The following OR3A2 variants were observed in gnomAD, a reference collection of about 807,000 sequenced individuals.
The protein encoded by OR3A2 is olfactory receptor 3A2.
For synonymous variants in OR3A2, 126 were observed against 159.3 expected, an observed-to-expected ratio of 0.79 and a Z score of 1.57; for missense variants, 318 against 392.8, an observed-to-expected ratio of 0.81 and a Z score of 1.61.
chr17:3,324,284 C>T (rs1332064772), intron 3 of OR3A2, among the ~76,000 whole-genome samples: 1 of 151,992 alleles, frequency 6.6e-6, no homozygotes, highest in Non-Finnish European at 1.5e-5. Flanking sequence ...CAGTTTTTAA[C>T]TTCTTTGCCA....
intron 3 of OR3A2, among the ~76,000 whole-genome samples, chr17:3,303,726 T>C (rs1479279668): frequency 7.2e-6 from 1 of 139,080 alleles, no homozygotes. Context: ...GCCTGGCGAA[T>C]GAGCAAGACT....
At chr17:3,287,427 G>A (rs575226664), upstream of OR3A2, among the ~76,000 whole-genome samples, 16 of 152,026 alleles carry the variant, frequency 1.1e-4, no homozygotes, top group Admixed American at 4.6e-4. Flanking sequence ...CCATGTGTAC[G>A]CGGTATTGTG....
At chr17:3,377,975 G>C (rs1379423051) in intron 2 of OR3A2, among the ~76,000 whole-genome samples, 1 of 152,166 alleles carries the variant, frequency 6.6e-6, no homozygotes, top group Non-Finnish European at 1.5e-5. Context: ...ACATAACAAG[G>C]AGAAATGAAA....
intron 2 of OR3A2, among the ~76,000 whole-genome samples, chr17:3,380,356 T>G (rs2049723614): frequency 6.6e-6 from 1 of 152,218 alleles, no homozygotes; most frequent in Non-Finnish European, 1.5e-5. Context: ...GCCCAGGATC[T>G]GGACTCTGAC....
intron 2 of OR3A2, among the ~76,000 whole-genome samples, chr17:3,375,703 T>C (rs1276108708): frequency 6.6e-6 from 1 of 152,232 alleles, no homozygotes; most frequent in African/African-American, 2.4e-5. Context: ...ATTACTTTTC[T>C]GGTTCTTTCT....
At chr17:3,279,509 C>T (rs1326916703) in intron 1 of OR3A2, among the ~76,000 whole-genome samples, 1 of 152,082 alleles carries the variant, frequency 6.6e-6, no homozygotes, top group Non-Finnish European at 1.5e-5. Flanking sequence ...AAAACATAAC[C>T]CAGGCTGGGC....
In OR3A2 at chr17:3,311,763, C is replaced by T; in HGVS notation, c.-85+24270G>A. On this transcript the variant is annotated intron_variant, in intron 3 of 4. Transcript: ENST00000573491. The surrounding 1 kb of genome is among the most constrained non-coding windows in gnomAD (Gnocchi z 4.6). Reference sequence around the variant, plus strand: ...TCTGAATCTTTTATGGAACTGGCTTCTTCAGTTACATGTGTCTGGGCTCAG... The same window carrying T: ...TCTGAATCTTTTATGGAACTGGCTTTTTCAGTTACATGTGTCTGGGCTCAG... 1 of 239,712 alleles carries T rather than the reference C, an allele frequency of 4.2e-6. No individual in the cohort carries two copies. The highest frequency in any genetic ancestry group is 5.0e-5 in the Admixed American group (1 of 20,018). The allele number at this position is 239,712 out of a possible 1,614,324, so 14.8% of individuals were successfully genotyped here. A position where few individuals can be genotyped will look rare whatever the true frequency, so the allele number is the denominator to read the frequency against.
Position 3,341,137 on chromosome 17 carries a change from C to T in OR3A2, c.-178-5011G>A, listed in dbSNP as rs868489289. ...TTGCTTGGTAGATCTTCCTCCATCC[C>T]TTTATTTTGAGCCCATGTGTGTCTC... is the stretch of plus-strand genomic sequence containing the variant. On this transcript the variant is annotated intron_variant, in intron 2 of 4. Transcript: ENST00000573491. Among the ~76,000 whole-genome samples, 11 of 152,240 alleles carry T rather than the reference C, an allele frequency of 7.2e-5. No homozygotes were observed. In the East Asian group the frequency reaches 2.1e-3, roughly 29 times the overall value.
chr17:3,369,741 T>A (rs1250959729), intron 2 of OR3A2, among the ~76,000 whole-genome samples: 1 of 152,116 alleles, frequency 6.6e-6, no homozygotes, highest in African/African-American at 2.4e-5. Context: ...TAATCCTGGC[T>A]TCACAGAATG....
intron 2 of OR3A2, among the ~76,000 whole-genome samples, chr17:3,358,145 A>G (rs2049478566): frequency 6.6e-6 from 1 of 151,700 alleles, no homozygotes; most frequent in South Asian, 2.1e-4. Context: ...ATATCATATA[A>G]CCACTAAAAA....
chr17:3,342,020 T>G (rs867615506), intron 2 of OR3A2, among the ~76,000 whole-genome samples: 2 of 152,356 alleles, frequency 1.3e-5, no homozygotes, highest in South Asian at 4.1e-4. Flanking sequence ...AATTTGATCT[T>G]CAATCACTAA....
chr17:3,341,378 G>A (rs1325833184), intron 2 of OR3A2, among the ~76,000 whole-genome samples: 1 of 152,148 alleles, frequency 6.6e-6, no homozygotes. Flanking sequence ...TTACAATTTG[G>A]CATGTTTCTG....
intron 2 of OR3A2, among the ~76,000 whole-genome samples, chr17:3,354,470 G>C (rs1174655534): frequency 1.3e-5 from 2 of 150,954 alleles, no homozygotes; most frequent in Non-Finnish European, 3.0e-5. Context: ...ATTATTATTG[G>C]TCTATTTGTA....
At chr17:3,368,830 A>G (rs1185435437) in intron 2 of OR3A2, among the ~76,000 whole-genome samples, 1 of 152,114 alleles carries the variant, frequency 6.6e-6, no homozygotes, top group Non-Finnish European at 1.5e-5. Flanking sequence ...TTTTAGTGGT[A>G]TGGTCATTTT....
chr17:3,366,158 C>T (rs977895680), intron 2 of OR3A2, among the ~76,000 whole-genome samples: 2 of 152,194 alleles, frequency 1.3e-5, no homozygotes, highest in Non-Finnish European at 2.9e-5. Flanking sequence ...ATTCACTGTC[C>T]AAACGATGAT....
rs752947408 is a variant in OR3A2 at position 3,311,148 on chromosome 17, C to T, written c.-85+24885G>A. On this transcript the variant is annotated intron_variant, in intron 3 of 4. Coordinates refer to the OR3A2 transcript ENST00000573491. The surrounding 1 kb of genome is among the most constrained non-coding windows in gnomAD (Gnocchi z 4.6). ...GGACAAGGACAAGGGCATTGGCATC[C>T]TCAACACTGTCATCAGCCCCATGCT... is the stretch of plus-strand genomic sequence containing the variant. 3.7e-6 allele frequency: 2 copies of T among 539,972 alleles called. No homozygotes were observed. The highest frequency in any genetic ancestry group is 3.9e-5 in the Admixed American group (2 of 51,850). 33.4% of individuals were successfully genotyped at this position (539,972 alleles called of 1,614,324 possible).
chr17:3,283,521 G>T (rs1322463825), intron 1 of OR3A2, among the ~76,000 whole-genome samples: 4 of 152,182 alleles, frequency 2.6e-5, no homozygotes, highest in Non-Finnish European at 5.9e-5. Flanking sequence ...CACTGCGCCC[G>T]GCCGGTATCC....
chr17:3,360,526 T>C (rs1392908811), intron 2 of OR3A2, among the ~76,000 whole-genome samples: 1 of 151,790 alleles, frequency 6.6e-6, no homozygotes, highest in East Asian at 1.9e-4. Flanking sequence ...GCATAGGTTT[T>C]CTTCTAGGGT....
chr17:3,373,732 G>A (rs1053272046), intron 2 of OR3A2, among the ~76,000 whole-genome samples: 1 of 152,040 alleles, frequency 6.6e-6, no homozygotes, highest in Non-Finnish European at 1.5e-5. Context: ...CTTTTTTGGT[G>A]GATTTTTATT....
Sources: allele counts gnomAD v4.1 joint callset (sites outside exome capture counted in the v4.1 genomes callset), GRCh38; gene constraint gnomAD v4.1.1; non-coding constraint Gnocchi (gnomAD v3.1); transcripts MANE v1.5; gene names NCBI Gene and HGNC (gene_info 2026-07-23, HGNC 2026-07-21).